CTNNA3: variants seen among roughly 807,000 people sequenced by gnomAD.
CTNNA3 encodes the protein catenin alpha 3, also known as catenin alpha-3.
Under a neutral mutation model 95.7 loss-of-function variants are expected in CTNNA3, and 76 were observed. The ratio of observed to expected loss-of-function variants is 0.79; its 90% confidence interval spans 0.66 to 0.96. CTNNA3 has a LOEUF of 0.96. CTNNA3 is among the 40% of genes least tolerant of loss of function. The pLI is 0.00. For missense variants in CTNNA3, 1,191 were observed against 1,089.8 expected (o/e 1.09, Z -1.31); for synonymous variants, 431 against 374.4 (o/e 1.15, Z -1.74).
chr10:66,882,120 C>A (rs1844872460), intron 7 of CTNNA3, among the ~76,000 whole-genome samples: 1 of 151,948 alleles, frequency 6.6e-6, no homozygotes, highest in Non-Finnish European at 1.5e-5. Context: ...CTATACATAT[C>A]AAAATATTTA....
chr10:67,443,624 C>T (rs1846619729), intron 5 of CTNNA3, among the ~76,000 whole-genome samples: 1 of 152,262 alleles, frequency 6.6e-6, no homozygotes, highest in South Asian at 2.1e-4. Flanking sequence ...ATATCCTTTG[C>T]CCACTTTTTG....
intron 11 of CTNNA3, among the ~76,000 whole-genome samples, chr10:66,484,443 AT>A (rs1273319759): frequency 6.6e-6 from 1 of 152,072 alleles, no homozygotes; most frequent in Admixed American, 6.5e-5. Flanking sequence ...ATTTTAGGAT[AT>A]AAAAAAGAGA....
chr10:67,480,802 T>C (rs754446238), intron 5 of CTNNA3, among the ~76,000 whole-genome samples: 10 of 152,210 alleles, frequency 6.6e-5, no homozygotes, highest in Non-Finnish European at 8.8e-5. Context: ...TCTGTGTCTT[T>C]GTCTTAATTC....
intron 9 of CTNNA3, among the ~76,000 whole-genome samples, chr10:66,696,141 T>C (rs1847754150): frequency 6.6e-6 from 1 of 152,158 alleles, no homozygotes; most frequent in South Asian, 2.1e-4. Flanking sequence ...TATCAAAATA[T>C]AAATCACACT....
chr10:67,493,561 C>CAAAAAAAAAAAAA lies in CTNNA3; in HGVS notation c.579+28268_579+28280dup, dbSNP rs61570165. Among the ~76,000 whole-genome samples the CAAAAAAAAAAAAA allele has an allele frequency of 1.8e-3, 168 of 94,092 alleles. 1 individual carries two copies. The highest frequency in any genetic ancestry group is 6.3e-3 in the South Asian group (19 of 2,994). 61.7% of individuals were successfully genotyped at this position (94,092 alleles called of 152,430 possible). ...TGGGTGACAGAGCGAGACTCTGTCTCAAAAAAAAAAAAAAAAGTTTGATTT... is the reference window on the plus strand; with the variant it reads ...TGGGTGACAGAGCGAGACTCTGTCTCAAAAAAAAAAAAAAAAAAAAAAAAAAAAAGTTTGATTT... On this transcript the variant is annotated intron_variant, in intron 5 of 17. Coordinates refer to ENST00000433211, the MANE Select transcript of CTNNA3 (RefSeq NM_013266.4).
intron 2 of CTNNA3, among the ~76,000 whole-genome samples, chr10:67,642,407 C>A (rs1479921125): frequency 1.3e-5 from 2 of 152,000 alleles, no homozygotes; most frequent in Admixed American, 6.6e-5. Context: ...GACATACATG[C>A]GGCCAATAAA....
At chr10:66,660,870 T>C (rs1041223387) in intron 9 of CTNNA3, among the ~76,000 whole-genome samples, 3 of 152,158 alleles carry the variant, frequency 2.0e-5, no homozygotes, top group Non-Finnish European at 4.4e-5. Flanking sequence ...TTATTGACTT[T>C]TGCCTATTGA....
chr10:66,175,173 C>A (rs188226850), intron 13 of CTNNA3, among the ~76,000 whole-genome samples: 125 of 152,146 alleles, frequency 8.2e-4, no homozygotes, highest in African/African-American at 2.7e-3. Context: ...AATCAACACA[C>A]ACATGCACAC....
Position 66,101,373 on chromosome 10 carries a change from C to T in CTNNA3, c.1977+1784G>A, listed in dbSNP as rs990813320. On this transcript the variant is annotated intron_variant, in intron 14 of 17. Coordinates refer to ENST00000433211, the MANE Select transcript of CTNNA3 (RefSeq NM_013266.4). Reference sequence around the variant, plus strand: ...CTGTCTGGCTATGTGATAATGGTGTCTACTCAAAGAACATTTTTTCTCCAC... The same window carrying T: ...CTGTCTGGCTATGTGATAATGGTGTTTACTCAAAGAACATTTTTTCTCCAC... Among the ~76,000 whole-genome samples the T allele has an allele frequency of 2.6e-5, 4 of 152,238 alleles. No homozygotes were observed. The East Asian group carries it at 7.7e-4, about 29-fold the overall frequency.
At chr10:67,474,321 C>T (rs1221648324) in intron 5 of CTNNA3, among the ~76,000 whole-genome samples, 3 of 152,040 alleles carry the variant, frequency 2.0e-5, no homozygotes, top group Admixed American at 6.6e-5. Flanking sequence ...CAGGGTGGAC[C>T]CTAATCCAAT....
At chr10:67,726,942 A>G (rs1487581839) in intron 1 of CTNNA3, among the ~76,000 whole-genome samples, 1 of 116,508 alleles carries the variant, frequency 8.6e-6, no homozygotes, top group African/African-American at 3.5e-5. Flanking sequence ...CATATATCAT[A>G]TATATTATAT....
At chr10:67,576,501 A>G (rs1303956646) in intron 3 of CTNNA3, among the ~76,000 whole-genome samples, 1 of 151,860 alleles carries the variant, frequency 6.6e-6, no homozygotes, top group Non-Finnish European at 1.5e-5. Context: ...GCTTTCAAAA[A>G]TTAGTAATTA....
intron 5 of CTNNA3, among the ~76,000 whole-genome samples, chr10:67,453,348 T>C (rs1847059125): frequency 6.6e-6 from 1 of 152,196 alleles, no homozygotes; most frequent in South Asian, 2.1e-4. Context: ...AGTAGACACA[T>C]AGAAATCCTT....
chr10:66,188,019 A>C (rs1312464833), intron 13 of CTNNA3, among the ~76,000 whole-genome samples: 1 of 152,194 alleles, frequency 6.6e-6, no homozygotes, highest in Non-Finnish European at 1.5e-5. Context: ...ACAAAGACTT[A>C]GAAATAAAGA....
rs777382639 is a variant in CTNNA3 at position 67,016,745 on chromosome 10, T to G, written c.1047+163572A>C. ...ATATTTAATATATGGACTTCGTAAT[T>G]TGTATCATTGCAGTTGTGAGGCTTC... On this transcript the variant is annotated intron_variant, in intron 7 of 17. Transcript: ENST00000433211. 1.1e-4 allele frequency among the ~76,000 whole-genome samples: 17 copies of G among 152,322 alleles called. No individual in the cohort carries two copies. In the East Asian group the frequency reaches 1.3e-3, roughly 12 times the overall value.
At chr10:66,728,034 C>T (rs1009879168) in intron 9 of CTNNA3, among the ~76,000 whole-genome samples, 4 of 151,986 alleles carry the variant, frequency 2.6e-5, no homozygotes, top group Middle Eastern at 3.2e-3. Context: ...AAATGAAGGG[C>T]GTATTGTTTA....
chr10:67,755,657 C>T (rs1300903437), intron 1 of CTNNA3, among the ~76,000 whole-genome samples: 1 of 151,682 alleles, frequency 6.6e-6, no homozygotes, highest in African/African-American at 2.4e-5. Flanking sequence ...CAAAAATTAG[C>T]CAGGTGTGGT....
chr10:66,637,160 G>C (rs187561673), intron 9 of CTNNA3, among the ~76,000 whole-genome samples: 7 of 152,154 alleles, frequency 4.6e-5, no homozygotes, highest in Non-Finnish European at 1.0e-4. Context: ...GAAATGTTTC[G>C]TTTAAATACA....
At position 67,750,448 on chromosome 10, in the gene CTNNA3, G is replaced by A. The variant is rs531034905; in HGVS notation, c.-2+12986C>T. On this transcript the variant is annotated intron_variant, in intron 1 of 17. Coordinates refer to the CTNNA3 transcript ENST00000684154. ...ATGTCTATCAGAATGAACATGAGGT[G>A]GGGGAAGCCATCCAAGAGAAGATCC... 3.3e-6 allele frequency: 5 copies of A among 1,498,426 alleles called. No homozygotes were observed. In the East Asian group the frequency reaches 9.1e-5, roughly 27 times the overall value. 92.8% of individuals were successfully genotyped at this position (1,498,426 alleles called of 1,614,324 possible). A position where few individuals can be genotyped will look rare whatever the true frequency, so the allele number is the denominator to read the frequency against.
Sources: allele counts gnomAD v4.1 joint callset (sites outside exome capture counted in the v4.1 genomes callset), GRCh38; gene constraint gnomAD v4.1.1; transcripts MANE v1.5; gene names NCBI Gene and HGNC (gene_info 2026-07-23, HGNC 2026-07-21).